Variants in ABL1 observed in about 807,000 individuals in gnomAD.
The protein encoded by ABL1 is ABL proto-oncogene 1, non-receptor tyrosine kinase.
Under a neutral mutation model 94.7 loss-of-function variants are expected in ABL1, and 11 were observed. The ratio of observed to expected loss-of-function variants is 0.12; its 90% CI spans 0.07 to 0.19. The LOEUF is 0.19. ABL1 is among the 10% of genes least tolerant of loss of function. ABL1 has a pLI of 1.00. For synonymous variants in ABL1, 656 were observed against 622.4 expected, an observed-to-expected ratio of 1.05 and a Z score of -0.80; for missense variants, 1,082 against 1,489.4, an observed-to-expected ratio of 0.73 and a Z score of 4.50.
chr9:130,752,726 A>G (rs1027704522), intron 1 of ABL1, among the ~76,000 whole-genome samples: 5 of 152,116 alleles, frequency 3.3e-5, no homozygotes, highest in Non-Finnish European at 7.4e-5. Context: ...TGGGAGGCTG[A>G]GGCGGACAGA....
At chr9:130,796,457 G>C (rs2132818432) in intron 1 of ABL1, among the ~76,000 whole-genome samples, 1 of 152,094 alleles carries the variant, frequency 6.6e-6, no homozygotes, top group African/African-American at 2.4e-5. Context: ...GTTGCAGTGG[G>C]CCGAGATCAA....
At chr9:130,817,165 G>C (rs1830298066) in intron 1 of ABL1, among the ~76,000 whole-genome samples, 1 of 152,226 alleles carries the variant, frequency 6.6e-6, no homozygotes, top group South Asian at 2.1e-4. Flanking sequence ...AAAAAGTAAA[G>C]TAGAGGTTCC....
At chr9:130,850,094 C>T (rs1830832677) in intron 1 of ABL1, among the ~76,000 whole-genome samples, 1 of 152,198 alleles carries the variant, frequency 6.6e-6, no homozygotes, top group Admixed American at 6.5e-5. Flanking sequence ...AGCCACACTA[C>T]CACTGTCTGC....
At chr9:130,750,217 ATATATATATATATATAT>A in intron 1 of ABL1, among the ~76,000 whole-genome samples, 1 of 130,854 alleles carries the variant, frequency 7.6e-6, no homozygotes, top group Non-Finnish European at 1.5e-5. Flanking sequence ...ATATATATAT[ATATATATATATATATAT>A]ATCCAAGTAT....
chr9:130,845,793 T>C (rs1830758845), intron 1 of ABL1, among the ~76,000 whole-genome samples: 1 of 152,078 alleles, frequency 6.6e-6, no homozygotes. Context: ...AGGACTGTTC[T>C]CCTTTGCAAT....
rs1297346592 is a variant in ABL1 at position 130,885,527 on chromosome 9, C to T, written c.3237C>T (p.Asn1079=). 1 of 1,614,172 alleles carries T rather than the reference C, an allele frequency of 6.2e-7. No individual in the cohort carries two copies. Among genetic ancestry groups the T allele is most frequent in the Non-Finnish European group, 8.5e-7 (1 of 1,180,048 alleles). Residue 1079 remains asparagine, a synonymous_variant, in exon 11 of 11, where the codon AAC becomes AAT. Transcript: ENST00000318560. ...SYVDSIQQMR[N]KFAFREAINK... ...TGGATTCCATCCAGCAAATGAGGAA[C>T]AAGTTTGCCTTCCGAGAGGCCATCA...
intron 1 of ABL1, among the ~76,000 whole-genome samples, chr9:130,815,249 G>A (rs978270394): frequency 6.6e-6 from 1 of 152,218 alleles, no homozygotes; most frequent in Admixed American, 6.5e-5. Flanking sequence ...CAGGAGAATC[G>A]CTTGAACCCG....
chr9:130,879,675 T>G (rs1370990633), intron 8 of ABL1, among the ~76,000 whole-genome samples: 1 of 152,246 alleles, frequency 6.6e-6, no homozygotes, highest in Non-Finnish European at 1.5e-5. Flanking sequence ...GTCTGTTTAG[T>G]CCTCATGTTA....
intron 1 of ABL1, among the ~76,000 whole-genome samples, chr9:130,789,343 G>T (rs1008067996): frequency 3.3e-5 from 5 of 152,226 alleles, no homozygotes; most frequent in African/African-American, 1.2e-4. Flanking sequence ...TCCCACATGG[G>T]TGTAGAAACT....
intron 1 of ABL1, among the ~76,000 whole-genome samples, chr9:130,771,752 C>CTTTCTTTCTTTCTTTCTTTCTTTCTTTCT (rs530081755): frequency 2.8e-5 from 3 of 106,902 alleles, no homozygotes; most frequent in African/African-American, 1.0e-4. Context: ...TTCTTTCTTT[C>CTTTCTTTCTTTCTTTCTTTCTTTCTTTCT]TTTTTTTTTT....
intron 1 of ABL1, among the ~76,000 whole-genome samples, chr9:130,775,885 G>A (rs377146442): frequency 2.0e-5 from 3 of 152,234 alleles, no homozygotes; most frequent in South Asian, 2.1e-4. Flanking sequence ...CTACAGCAAC[G>A]ATGGAAACCA....
chr9:130,735,961 A>ATATATATATATATATTTTTTT (rs573602038), intron 1 of ABL1, among the ~76,000 whole-genome samples: 2 of 94,850 alleles, frequency 2.1e-5, no homozygotes, highest in African/African-American at 1.3e-4. Context: ...ATATATATAT[A>ATATATATATATATATTTTTTT]TTTTTTTTTT....
At chr9:130,816,085 G>A (rs1055168372) in intron 1 of ABL1, among the ~76,000 whole-genome samples, 14 of 152,002 alleles carry the variant, frequency 9.2e-5, no homozygotes, top group East Asian at 1.9e-4. Flanking sequence ...GCTTCACCCC[G>A]TCTCCCCACC....
chr9:130,717,969 G>A (rs2789759), intron 1 of ABL1, among the ~76,000 whole-genome samples: 29,068 of 148,272 alleles, frequency 0.2, 3,466 homozygotes, highest in Middle Eastern at 0.39. Context: ...ACGAGATCAC[G>A]CCATTGCACT....
chr9:130,887,115 G>T lies in ABL1; in HGVS notation c.*1432G>T, dbSNP rs1246330255. Reference sequence around the variant, plus strand: ...GACAGAGCAGCTAACTCCGAGAGCAGTGGGCAGGTGGCCGCCCCTGAGGCT... The same window carrying T: ...GACAGAGCAGCTAACTCCGAGAGCATTGGGCAGGTGGCCGCCCCTGAGGCT... On this transcript the variant is annotated 3_prime_UTR_variant, in exon 11 of 11. Transcript: ENST00000318560. 1.7e-5 allele frequency: 4 copies of T among 233,118 alleles called. No homozygotes were observed. The East Asian group carries it at 2.4e-4, about 14-fold the overall frequency. The allele number at this position is 233,118 out of a possible 1,614,324, so 14.4% of individuals were successfully genotyped here.
chr9:130,741,204 A>T (rs1269954286), intron 1 of ABL1, among the ~76,000 whole-genome samples: 1 of 152,152 alleles, frequency 6.6e-6, no homozygotes, highest in Non-Finnish European at 1.5e-5. Flanking sequence ...CTGCATTGTT[A>T]TGTGTGAGTG....
intron 8 of ABL1, among the ~76,000 whole-genome samples, chr9:130,879,395 TC>T (rs1008174340): frequency 6.6e-6 from 1 of 152,226 alleles, no homozygotes; most frequent in Non-Finnish European, 1.5e-5. Flanking sequence ...CACTCATTCA[TC>T]CGGTCCTCTT....
intron 1 of ABL1, among the ~76,000 whole-genome samples, chr9:130,756,638 A>G (rs986988475): frequency 1.3e-5 from 2 of 152,092 alleles, no homozygotes; most frequent in African/African-American, 4.8e-5. Context: ...GGCTAGTGTG[A>G]GTTGAGGGGA....
chr9:130,866,048 T>A (rs557565178), intron 4 of ABL1, among the ~76,000 whole-genome samples: 1 of 152,308 alleles, frequency 6.6e-6, no homozygotes, highest in African/African-American at 2.4e-5. Context: ...GGAGTGCTCA[T>A]CTGGTAATAT....
Sources: gnomAD v4.1 joint callset for allele counts (sites outside exome capture counted in the v4.1 genomes callset) on GRCh38, gnomAD v4.1.1 for gene constraint, MANE v1.5 for transcripts, NCBI Gene and HGNC (gene_info 2026-07-23, HGNC 2026-07-21) for gene names.